VPS52: variants seen among roughly 807,000 people sequenced by gnomAD.
VPS52 encodes VPS52 subunit of GARP complex.
In VPS52, 56 loss-of-function variants were observed where a neutral mutation model predicts 98.7. The ratio of observed to expected loss-of-function variants is 0.57; its 90% CI spans 0.46 to 0.71. The LOEUF is 0.71. Among genes scored for constraint, VPS52 ranks in the 30% least tolerant of loss-of-function variants. The pLI is 0.00. For missense variants in VPS52, 742 were observed against 925.9 expected (o/e 0.80, Z 2.58); for synonymous variants, 348 against 346.4 (o/e 1.00, Z -0.05).
At chr6:33,264,651 G>C in intron 13 of VPS52, 131 bp downstream of exon 13, 1 of 1,399,930 alleles carries the variant, frequency 7.1e-7, no homozygotes, top group South Asian at 1.2e-5. Context: ...CAGCACTACT[G>C]CCTCCGGAGC....
rs1417956673 is a variant in VPS52, at chr6:33,268,312, G to A, written c.700-104C>T. 2 of 1,360,906 alleles carry A rather than the reference G, an allele frequency of 1.5e-6. No individual in the cohort carries two copies. The highest frequency in any genetic ancestry group is 2.1e-6 in the Non-Finnish European group (2 of 967,772). The allele number at this position is 1,360,906 out of a possible 1,614,324, so 84.3% of individuals were successfully genotyped here. On this transcript the variant is annotated intron_variant, in intron 7 of 19. Coordinates refer to ENST00000445902, the MANE Select transcript of VPS52 (RefSeq NM_022553.6). This position sits in a 1 kb window ranked among gnomAD's most constrained non-coding sequence, Gnocchi z 4.0. ...TGGTAAACATAGGCAGAAGGGTGGT[G>A]AATATCTCTTTGGTATTTCTCAAGA...
chr6:33,268,588 C>CA lies in VPS52; in HGVS notation c.609dup (p.Ala204CysfsTer12), dbSNP rs1764620778. The CA allele has an allele frequency of 1.9e-6, 3 of 1,611,820 alleles. No individual in the cohort carries two copies. The East Asian group carries it at 6.7e-5, about 36-fold the overall frequency. ...TGCTCTCTGACTGCGGCTGCCTTGG[C>CA]ATCCAGCTCCTGTAGCTGCTCCAAG... On this transcript the variant is annotated frameshift_variant, in exon 7 of 20. Transcript: ENST00000445902. LOFTEE classifies it high-confidence loss of function. This position sits in a 1 kb window ranked among gnomAD's most constrained non-coding sequence, Gnocchi z 4.0.
At chr6:33,262,734 T>C (rs1284673389) in intron 17 of VPS52, among the ~76,000 whole-genome samples, 3 of 152,126 alleles carry the variant, frequency 2.0e-5, no homozygotes, top group African/African-American at 7.2e-5. Flanking sequence ...ATGCATAGAA[T>C]TGGAAATTAT....
chr6:33,263,618 T>G, intron 16 of VPS52, 69 bp from the exon 17 acceptor site: 1 of 1,600,304 alleles, frequency 6.2e-7, no homozygotes, highest in Non-Finnish European at 8.6e-7. Context: ...GTCCCCTTCA[T>G]TCCACACTTA....
At chr6:33,262,923 T>C (rs1038170586) in intron 17 of VPS52, among the ~76,000 whole-genome samples, 1 of 152,128 alleles carries the variant, frequency 6.6e-6, no homozygotes, top group South Asian at 2.1e-4. Flanking sequence ...GGATGATTAA[T>C]GGGTACAAAC....
In VPS52 at chr6:33,250,721, G is replaced by C. The variant is rs1762115592; in HGVS notation, c.*120C>G. 7.2e-7 allele frequency: 1 copy of C among 1,387,542 alleles called. No homozygotes were observed. Among genetic ancestry groups the C allele is most frequent in the Non-Finnish European group, 9.8e-7 (1 of 1,018,800 alleles). 86.0% of individuals were successfully genotyped at this position (1,387,542 alleles called of 1,614,324 possible). The stretch of plus-strand genomic sequence containing the variant: ...CTGGGAGTGAAGGCAGGTAAGCCAT[G>C]TCAAGGGCCTGGGAAGCAAGGGGAA... On this transcript the variant is annotated 3_prime_UTR_variant, in exon 20 of 20. Coordinates refer to ENST00000445902, the MANE Select transcript of VPS52 (RefSeq NM_022553.6).
chr6:33,260,899 C>CT (rs1423948229), intron 17 of VPS52, among the ~76,000 whole-genome samples: 13 of 151,914 alleles, frequency 8.6e-5, no homozygotes, highest in African/African-American at 3.1e-4. Context: ...TACTCAGAGG[C>CT]TGAGGCAGGA....
At chr6:33,270,669 G>A (rs1764917594) in intron 1 of VPS52, among the ~76,000 whole-genome samples, 1 of 152,174 alleles carries the variant, frequency 6.6e-6, no homozygotes, top group South Asian at 2.1e-4. Context: ...GTGCAGTGGA[G>A]GCCGGACGCA....
chr6:33,268,067 A>C lies in VPS52; in HGVS notation c.800+41T>G. The C allele has an allele frequency of 1.2e-6, 2 of 1,613,026 alleles. No individual in the cohort carries two copies. The highest frequency in any genetic ancestry group is 1.7e-5 in the Admixed American group (1 of 60,022). ...CAGATGCCCACACTAGGCCGCTCAA[A>C]AACTCAAAGGCCATCCCATGCACTT... On this transcript the variant is annotated intron_variant, in intron 8 of 19. Coordinates refer to ENST00000445902, the MANE Select transcript of VPS52 (RefSeq NM_022553.6). The surrounding 1 kb of genome is among the most constrained non-coding windows in gnomAD (Gnocchi z 4.0).
In VPS52 at chr6:33,268,098, G is replaced by A; in HGVS notation, c.800+10C>T. 6.2e-7 allele frequency: 1 copy of A among 1,613,046 alleles called. No homozygotes were observed. Among genetic ancestry groups the A allele is most frequent in the Non-Finnish European group, 8.5e-7 (1 of 1,180,018 alleles). On this transcript the variant is annotated intron_variant, in intron 8 of 19. Coordinates refer to ENST00000445902, the MANE Select transcript of VPS52 (RefSeq NM_022553.6). This position sits in a 1 kb window ranked among gnomAD's most constrained non-coding sequence, Gnocchi z 4.0. ...AAAGGCCATCCCATGCACTTCCTTG[G>A]GGTTGTGACCTGTACTTCAGCAGGG...
chr6:33,251,205 G>A (rs542517360), intron 19 of VPS52, among the ~76,000 whole-genome samples: 12 of 152,212 alleles, frequency 7.9e-5, no homozygotes, highest in African/African-American at 2.9e-4. Context: ...AGCTGGTTGT[G>A]GTGGCAGGCA....
In VPS52 at chr6:33,268,175, T is replaced by C; in HGVS notation, c.733A>G (p.Lys245Glu). The change falls in exon 8 of 20, where the codon AAG (lysine) becomes GAG (glutamate). Residue 245 changes from lysine to glutamate, a missense_variant. By Grantham distance (56) the Lys-to-Glu change is moderately conservative. Transcript: ENST00000445902. This position sits in a 1 kb window ranked among gnomAD's most constrained non-coding sequence, Gnocchi z 4.0. ...VTKIREFILQ[K>E]IYSFRKPMTN... ...ATGGGTTTCCTGAAGGAATAAATCT[T>C]CTGGAGGATAAACTCTCGGATCTTC... The C allele has an allele frequency of 6.2e-7, 1 of 1,613,052 alleles. No homozygotes were observed. Among genetic ancestry groups the C allele is most frequent in the Non-Finnish European group, 8.5e-7 (1 of 1,180,036 alleles).
In VPS52 at chr6:33,267,322, G is replaced by GT. The variant is rs747012747; in HGVS notation, c.992-2dup. On this transcript the variant is annotated splice_acceptor_variant, in intron 10 of 19. Transcript: ENST00000445902. LOFTEE classifies it high-confidence loss of function. This position sits in a 1 kb window ranked among gnomAD's most constrained non-coding sequence, Gnocchi z 4.2. Reference sequence around the variant, plus strand: ...CGGAGCGATGGCTTTGAGAAGAATCGTAAGATGGGTCAGAGTCAGGGAAAA... The same window carrying GT: ...CGGAGCGATGGCTTTGAGAAGAATCGTTAAGATGGGTCAGAGTCAGGGAAAA... The GT allele has an allele frequency of 1.7e-5, 27 of 1,577,162 alleles. No individual in the cohort carries two copies. Among genetic ancestry groups the GT allele is most frequent in the African/African-American group, 1.6e-4 (12 of 73,512 alleles).
intron 17 of VPS52, among the ~76,000 whole-genome samples, chr6:33,259,150 A>G (rs986282882): frequency 6.6e-6 from 1 of 152,200 alleles, no homozygotes; most frequent in Non-Finnish European, 1.5e-5. Flanking sequence ...TTTATTCAGT[A>G]AAGATTAATT....
chr6:33,261,296 G>A (rs753435371), intron 17 of VPS52, among the ~76,000 whole-genome samples: 3 of 151,728 alleles, frequency 2.0e-5, no homozygotes, highest in South Asian at 2.1e-4. Context: ...GTGAAATCCC[G>A]TCTCTACTAA....
intron 13 of VPS52, 65 bp downstream of exon 13, chr6:33,264,717 G>A: frequency 6.6e-7 from 1 of 1,505,880 alleles, no homozygotes; most frequent in Non-Finnish European, 9.2e-7. Flanking sequence ...TAAGGTCAGG[G>A]CAGAGTCATG....
At chr6:33,263,616 C>T (rs1334987272) in intron 16 of VPS52, 67 bp from the exon 17 acceptor site, 2 of 1,600,086 alleles carry the variant, frequency 1.2e-6, no homozygotes, top group Non-Finnish European at 1.7e-6. Flanking sequence ...ATGTCCCCTT[C>T]ATTCCACACT....
At position 33,268,377 on chromosome 6, in the gene VPS52, A is replaced by T; in HGVS notation, c.699+122T>A. 7.2e-7 allele frequency: 1 copy of T among 1,396,548 alleles called. No homozygotes were observed. Among genetic ancestry groups the T allele is most frequent in the South Asian group, 1.3e-5 (1 of 74,946 alleles). The allele number at this position is 1,396,548 out of a possible 1,614,324, so 86.5% of individuals were successfully genotyped here. ...CAGAGAGACAAGAATGGGGCTGCCC[A>T]GAAAAGGCAGGGTGAAGTCCCTGGA... On this transcript the variant is annotated intron_variant, in intron 7 of 19. Transcript: ENST00000445902. The surrounding 1 kb of genome is among the most constrained non-coding windows in gnomAD (Gnocchi z 4.0).
chr6:33,253,676 G>T (rs1006555581), intron 17 of VPS52, among the ~76,000 whole-genome samples: 1 of 151,760 alleles, frequency 6.6e-6, no homozygotes, highest in Admixed American at 6.6e-5. Flanking sequence ...GATCACTTGA[G>T]CCCAGGAGTT....
Sources: allele counts gnomAD v4.1 joint callset (sites outside exome capture counted in the v4.1 genomes callset), GRCh38; gene constraint gnomAD v4.1.1; non-coding constraint Gnocchi (gnomAD v3.1); transcripts MANE v1.5; gene names NCBI Gene and HGNC (gene_info 2026-07-23, HGNC 2026-07-21).